MACC1: variants seen among roughly 807,000 people sequenced by gnomAD.
MACC1 encodes MET transcriptional regulator MACC1, also known as metastasis-associated in colon cancer protein 1.
In MACC1, 79 loss-of-function variants were observed where a neutral mutation model predicts 70.7. The ratio of observed to expected loss-of-function variants is 1.12; its 90% CI spans 0.93 to 1.35. MACC1 has a LOEUF of 1.35. Among genes scored for constraint, MACC1 ranks in the 40% most tolerant of loss-of-function variants. The pLI, the probability that MACC1 is intolerant of heterozygous loss-of-function variation, is 0.00. For synonymous variants in MACC1, 361 were observed against 347.2 expected (o/e 1.04, Z -0.44); for missense variants, 1,106 against 978.1 (o/e 1.13, Z -1.74).
rs184414194 is a variant in MACC1, at chr7:20,159,448, T to C, written c.913A>G (p.Met305Val). ...EVRKDPFSQV[M>V]TEMVCLHSLG... is the part of the protein sequence containing the mutation. ...CTGTGTAAACACACCATTTCTGTCATGACTTGGCTGAAAGGATCCTTTCTT... is the reference window on the plus strand; with the variant it reads ...CTGTGTAAACACACCATTTCTGTCACGACTTGGCTGAAAGGATCCTTTCTT... Residue 305 changes from methionine to valine, a missense_variant, in exon 5 of 7, where the codon ATG (methionine) becomes GTG (valine). Met to Val is a conservative substitution (Grantham distance 21, BLOSUM62 1). Transcript: ENST00000400331. The C allele has an allele frequency of 9.9e-6, 16 of 1,614,072 alleles. No homozygotes were observed. Among genetic ancestry groups the C allele is most frequent in the Admixed American group, 3.3e-5 (2 of 59,994 alleles).
intron 3 of MACC1, among the ~76,000 whole-genome samples, chr7:20,163,582 C>A (rs2128103378): frequency 6.6e-6 from 1 of 152,308 alleles, no homozygotes; most frequent in South Asian, 2.1e-4. Flanking sequence ...TATCATACAA[C>A]TATTGAAACA....
In MACC1 at chr7:20,135,591, CTGAA is replaced by C. The variant is rs1781708640; in HGVS notation, c.*5351_*5354del. On this transcript the variant is annotated 3_prime_UTR_variant, in exon 7 of 7. Transcript: ENST00000400331. ...AATGCAAGTGATCAGGCCAGACCCT[CTGAA>C]TGAGAAATTCTGGTGGTCGAGCCCA... The C allele has an allele frequency of 6.6e-6, 1 of 152,220 alleles. No homozygotes were observed. The highest frequency in any genetic ancestry group is 2.4e-5 in the African/African-American group (1 of 41,446). The allele number at this position is 152,220 out of a possible 1,614,324, so 9.4% of individuals were successfully genotyped here. A position where few individuals can be genotyped will look rare whatever the true frequency, so the allele number is the denominator to read the frequency against.
At chr7:20,175,992 C>A (rs1423984949) in intron 1 of MACC1, among the ~76,000 whole-genome samples, 2 of 151,988 alleles carry the variant, frequency 1.3e-5, no homozygotes, top group African/African-American at 2.4e-5. Flanking sequence ...TCTTCGATAT[C>A]CTTCAGTATT....
intron 6 of MACC1, among the ~76,000 whole-genome samples, chr7:20,143,112 G>A (rs1388619137): frequency 6.6e-6 from 1 of 152,160 alleles, no homozygotes; most frequent in African/African-American, 2.4e-5. Flanking sequence ...GTCAAAAGCA[G>A]CCAATATGGC....
In MACC1 at chr7:20,154,236, T is replaced by C; in HGVS notation, c.2303A>G (p.Tyr768Cys). 1 of 1,614,050 alleles carries C rather than the reference T, an allele frequency of 6.2e-7. No homozygotes were observed. The highest frequency in any genetic ancestry group is 8.5e-7 in the Non-Finnish European group (1 of 1,179,938). ...VRLTKQQMEA[Y>C]EIPHRGNTGD... ...AGTGTTTCCTCGATGAGGAATTTCA[T>C]ATGCCTCCATTTGTTGCTTTGTGAG... is the stretch of plus-strand genomic sequence containing the variant. Residue 768 changes from tyrosine (Y) to cysteine (C), a missense_variant, in exon 6 of 7, where the codon TAT becomes TGT. Tyr to Cys is a radical substitution (Grantham distance 194, BLOSUM62 -2). Transcript: ENST00000400331.
intron 1 of MACC1, among the ~76,000 whole-genome samples, chr7:20,200,596 G>T (rs1015238181): frequency 1.3e-5 from 2 of 152,220 alleles, no homozygotes; most frequent in Non-Finnish European, 2.9e-5. Flanking sequence ...ACAGAGTGAT[G>T]TAATTACCTA....
Position 20,159,858 on chromosome 7 carries a change from A to C in MACC1, c.503T>G (p.Leu168Ter). Residue 168 changes from leucine to a stop codon, truncating the protein, a stop_gained, in exon 5 of 7, where the codon TTA (leucine) becomes TGA (stop). Transcript: ENST00000400331. LOFTEE classifies it high-confidence loss of function. Reference protein sequence around the residue: ...HNSDQILLHDLEWLKNDREAY... With the variant: ...HNSDQILLHD ...CTCCCGATCATTTTTAAGCCACTCT[A>C]AGTCGTGTAGTAGGATCTGGTCAGA... is the stretch of plus-strand genomic sequence containing the variant. The C allele has an allele frequency of 6.2e-7, 1 of 1,614,088 alleles. No homozygotes were observed. The highest frequency in any genetic ancestry group is 8.5e-7 in the Non-Finnish European group (1 of 1,180,018).
intron 1 of MACC1, among the ~76,000 whole-genome samples, chr7:20,173,126 G>C (rs574474267): frequency 5.3e-4 from 80 of 152,314 alleles, no homozygotes; most frequent in South Asian, 2.1e-3. Context: ...AAAAATCCGA[G>C]ATGGATCCCA....
Position 20,158,974 on chromosome 7 carries a change from C to T in MACC1, c.1387G>A (p.Gly463Ser). 1 of 1,614,042 alleles carries T rather than the reference C, an allele frequency of 6.2e-7. No homozygotes were observed. Among genetic ancestry groups the T allele is most frequent in the Non-Finnish European group, 8.5e-7 (1 of 1,180,032 alleles). Residue 463 changes from glycine (G) to serine (S), a missense_variant, in exon 5 of 7, where the codon GGT (glycine) becomes AGT (serine). By Grantham distance (56) the Gly-to-Ser change is moderately conservative (BLOSUM62 0). Coordinates refer to ENST00000400331, the MANE Select transcript of MACC1 (RefSeq NM_182762.4). The part of the protein sequence containing the change: ...KEIKQKQLEA[G>S]EVVHQQFLFS... ...AAAAATTGTTGATGAACTACTTCAC[C>T]TGCTTCCAACTGCTTTTGTTTAATT...
At chr7:20,199,033 A>G (rs973970462) in intron 1 of MACC1, among the ~76,000 whole-genome samples, 12 of 152,268 alleles carry the variant, frequency 7.9e-5, no homozygotes, top group African/African-American at 2.9e-4. Flanking sequence ...TGTATTATTC[A>G]GCTGCCAGTA....
At chr7:20,205,151 A>T (rs1329090290) in intron 1 of MACC1, among the ~76,000 whole-genome samples, 3 of 152,218 alleles carry the variant, frequency 2.0e-5, no homozygotes, top group African/African-American at 7.2e-5. Context: ...ATGGATTTTC[A>T]TGATGTCAAA....
intron 1 of MACC1, among the ~76,000 whole-genome samples, chr7:20,182,224 G>A (rs1003169314): frequency 1.3e-5 from 2 of 150,456 alleles, no homozygotes; most frequent in African/African-American, 2.5e-5. Flanking sequence ...ATAGCATTAG[G>A]AGATATACCT....
rs572328582 is a variant in MACC1, at chr7:20,149,503, A to G, written c.2346+4690T>C. On this transcript the variant is annotated intron_variant, in intron 6 of 6. Transcript: ENST00000400331. ...TCTCCTTACTTCACAGACACACAAA[A>G]TAGATTCCCAGAAAAGTAAAGTAAT... Among the ~76,000 whole-genome samples, 10 of 152,324 alleles carry G rather than the reference A, an allele frequency of 6.6e-5. No individual in the cohort carries two copies. In the South Asian group the frequency reaches 1.7e-3, roughly 25 times the overall value.
chr7:20,200,935 A>G (rs185288361), intron 1 of MACC1, among the ~76,000 whole-genome samples: 2 of 152,212 alleles, frequency 1.3e-5, no homozygotes, highest in Admixed American at 6.5e-5. Context: ...AAAAGTATCA[A>G]CCTAAGCCTA....
chr7:20,145,806 T>G (rs1448881279), intron 6 of MACC1, among the ~76,000 whole-genome samples: 1 of 152,194 alleles, frequency 6.6e-6, no homozygotes, highest in Non-Finnish European at 1.5e-5. Context: ...TGTCAAGACT[T>G]ATGTACTTAA....
chr7:20,188,764 G>A (rs933364556), intron 1 of MACC1, among the ~76,000 whole-genome samples: 1 of 152,024 alleles, frequency 6.6e-6, no homozygotes, highest in African/African-American at 2.4e-5. Context: ...AACTCTCATT[G>A]CTCAACATGC....
rs190896796 is a variant in MACC1 at position 20,141,434 on chromosome 7, G to A, written c.2347-276C>T. On this transcript the variant is annotated intron_variant, in intron 6 of 6. Coordinates refer to ENST00000400331, the MANE Select transcript of MACC1 (RefSeq NM_182762.4). ...ATCTATACATTGCTGTTGCTTTCATGTGAATATAAAATTCCTTGCACAATT... is the reference window on the plus strand; with the variant it reads ...ATCTATACATTGCTGTTGCTTTCATATGAATATAAAATTCCTTGCACAATT... 9.3e-4 allele frequency among the ~76,000 whole-genome samples: 142 copies of A among 152,150 alleles called. 2 individuals are homozygous for A. The Middle Eastern group carries it at 0.01, about 11-fold the overall frequency.
intron 3 of MACC1, among the ~76,000 whole-genome samples, chr7:20,163,291 T>C (rs963793958): frequency 6.6e-6 from 1 of 152,204 alleles, no homozygotes; most frequent in Non-Finnish European, 1.5e-5. Flanking sequence ...GACAAATATG[T>C]GCAACAAAGG....
At chr7:20,187,665 A>T (rs1562596614) in intron 1 of MACC1, among the ~76,000 whole-genome samples, 1 of 152,176 alleles carries the variant, frequency 6.6e-6, no homozygotes, top group African/African-American at 2.4e-5. Flanking sequence ...TTGGAACTGA[A>T]GGAAAGCACA....
Sources: allele counts gnomAD v4.1 joint callset (sites outside exome capture counted in the v4.1 genomes callset), GRCh38; gene constraint gnomAD v4.1.1; transcripts MANE v1.5; gene names NCBI Gene and HGNC (gene_info 2026-07-23, HGNC 2026-07-21).